C5: variants seen among roughly 807,000 people sequenced by gnomAD.
C5 encodes the protein C3 and PZP-like alpha-2-macroglobulin domain-containing protein 4.
C5 carries 140 observed loss-of-function variants against 218.8 expected under a neutral mutation model. The ratio of observed to expected loss-of-function variants is 0.64; its 90% CI spans 0.56 to 0.74. The LOEUF is 0.74. C5 is among the 30% of genes least tolerant of loss of function. The probability of loss-of-function intolerance (pLI) is 0.00; values close to 1 mark genes in which losing one functional copy is unlikely to be tolerated. For missense variants in C5, 1,700 were observed against 1,969.6 expected, an observed-to-expected ratio of 0.86 and a Z score of 2.59; for synonymous variants, 614 against 682.3, an observed-to-expected ratio of 0.90 and a Z score of 1.56.
rs1190237840 is a variant in C5, at chr9:120,953,718, T to C, written c.4901+12A>G. The C allele has an allele frequency of 1.2e-6, 2 of 1,613,696 alleles. No homozygotes were observed. Among genetic ancestry groups the C allele is most frequent in the East Asian group, 2.2e-5 (1 of 44,882 alleles). ...AGGGAAGATCAGTGACTGAAAAATATTGGTGACTTACCTGAAACTGAAATT... is the reference window on the plus strand; with the variant it reads ...AGGGAAGATCAGTGACTGAAAAATACTGGTGACTTACCTGAAACTGAAATT... On this transcript the variant is annotated intron_variant, in intron 40 of 40. Coordinates refer to ENST00000223642, the MANE Select transcript of C5 (RefSeq NM_001735.3).
chr9:120,997,838 T>C lies in C5; in HGVS notation c.2563-64A>G, dbSNP rs1355417536. On this transcript the variant is annotated intron_variant, in intron 20 of 40. Transcript: ENST00000223642. ...TTTTTTTTGAGACAGAGTCTTGCTA[T>C]GTCGCCCAGGCTGGAGTGCAGCGGC... is the stretch of plus-strand genomic sequence containing the variant. 4.3e-6 allele frequency: 6 copies of C among 1,405,410 alleles called. No individual in the cohort carries two copies. In the Middle Eastern group the frequency reaches 7.4e-4, roughly 173 times the overall value. The allele number at this position is 1,405,410 out of a possible 1,614,324, so 87.1% of individuals were successfully genotyped here. A position where few individuals can be genotyped will look rare whatever the true frequency, so the allele number is the denominator to read the frequency against.
At chr9:121,043,864 C>A (rs931067851) in intron 2 of C5, among the ~76,000 whole-genome samples, 7 of 151,874 alleles carry the variant, frequency 4.6e-5, no homozygotes, top group Non-Finnish European at 8.8e-5. Flanking sequence ...CATCTCTGGA[C>A]CCTTAGTATT....
chr9:121,018,761 G>A (rs1454317855), intron 12 of C5, among the ~76,000 whole-genome samples: 1 of 144,198 alleles, frequency 6.9e-6, no homozygotes, highest in African/African-American at 2.7e-5. Flanking sequence ...AAGGAAGGAA[G>A]GAAGGAAGGA....
chr9:121,005,116 T>C (rs1478813025), intron 20 of C5, among the ~76,000 whole-genome samples: 1 of 152,210 alleles, frequency 6.6e-6, no homozygotes, highest in Non-Finnish European at 1.5e-5. Flanking sequence ...GCTAGAATTT[T>C]GGAACACATT....
At chr9:121,032,027 C>A (rs1564160382) in intron 6 of C5, 86 bp downstream of exon 6, 1 of 757,910 alleles carries the variant, frequency 1.3e-6, no homozygotes, top group East Asian at 2.8e-5. Flanking sequence ...CGTGCCACTG[C>A]ACTCCAGCCT....
chr9:120,975,929 A>T (rs1300757871), intron 29 of C5, among the ~76,000 whole-genome samples: 1 of 152,242 alleles, frequency 6.6e-6, no homozygotes, highest in African/African-American at 2.4e-5. Context: ...AAAACTGAGA[A>T]ACATGACTAG....
In C5 at chr9:121,006,996, A is replaced by T; in HGVS notation, c.2349-19T>A. On this transcript the variant is annotated intron_variant, in intron 18 of 40. Coordinates refer to ENST00000223642, the MANE Select transcript of C5 (RefSeq NM_001735.3). ...CTGTTTTCTGGAAGTTAAAATGTTG[A>T]TATTCAAATACAGTGGAATATTGAT... The T allele has an allele frequency of 6.4e-7, 1 of 1,566,820 alleles. No individual in the cohort carries two copies. The highest frequency in any genetic ancestry group is 8.8e-7 in the Non-Finnish European group (1 of 1,136,810).
chr9:120,960,443 C>A lies in C5; in HGVS notation c.4589-106G>T. ...TGAGCCCAGAGACAACCCAATATAA[C>A]CTTACAAATGTCAGATTTCTAAGAC... is the stretch of plus-strand genomic sequence containing the variant. On this transcript the variant is annotated intron_variant, in intron 37 of 40. Coordinates refer to ENST00000223642, the MANE Select transcript of C5 (RefSeq NM_001735.3). 1.1e-5 allele frequency: 8 copies of A among 739,472 alleles called. No homozygotes were observed. In the South Asian group the frequency reaches 1.2e-4, roughly 11 times the overall value. 45.8% of individuals were successfully genotyped at this position (739,472 alleles called of 1,614,324 possible).
chr9:121,049,553 T>C (rs1159118506), intron 1 of C5, among the ~76,000 whole-genome samples: 1 of 152,226 alleles, frequency 6.6e-6, no homozygotes, highest in African/African-American at 2.4e-5. Context: ...TCTCTCTCTC[T>C]AGAACTGTGA....
At chr9:120,973,277 A>T (rs41312859) in intron 30 of C5, among the ~76,000 whole-genome samples, 4,712 of 152,180 alleles carry the variant, frequency 0.031, 250 homozygotes, top group African/African-American at 0.11. Flanking sequence ...TATAGAGAAG[A>T]ATAATTTCAG....
At chr9:121,021,449 A>G (rs2131773327) in intron 11 of C5, 60 bp downstream of exon 11, 3 of 1,408,072 alleles carry the variant, frequency 2.1e-6, no homozygotes, top group Non-Finnish European at 3.0e-6. Context: ...CACACTAGCC[A>G]AAACACATGG....
At chr9:121,035,077 A>G (rs1310090624) in intron 4 of C5, among the ~76,000 whole-genome samples, 183 bp from the exon 5 acceptor site, 1 of 152,182 alleles carries the variant, frequency 6.6e-6, no homozygotes, top group East Asian at 1.9e-4. Flanking sequence ...AATATGGTTC[A>G]TTTCAGCCAT....
chr9:121,034,922 G>C, intron 4 of C5, 28 bp from the exon 5 acceptor site: 1 of 1,136,132 alleles, frequency 8.8e-7, no homozygotes, highest in Non-Finnish European at 1.3e-6. Context: ...CACCCTCAAA[G>C]GCCAGAAACT....
At chr9:120,977,608 C>A (rs2093792389) in intron 28 of C5, among the ~76,000 whole-genome samples, 1 of 152,144 alleles carries the variant, frequency 6.6e-6, no homozygotes, top group African/African-American at 2.4e-5. Context: ...GGGTGTGCCA[C>A]CATGCCAGGT....
chr9:121,057,934 T>C, the C5 span, among the ~76,000 whole-genome samples: 461 of 152,334 alleles, frequency 3.0e-3, 2 homozygotes, highest in African/African-American at 0.011. Flanking sequence ...TGCTCCAAAA[T>C]ATCCTTCTCA....
intron 12 of C5, among the ~76,000 whole-genome samples, chr9:121,018,623 A>C (rs1426652852): frequency 2.8e-4 from 28 of 100,840 alleles, no homozygotes; most frequent in South Asian, 4.5e-4. Flanking sequence ...GGAAGGCAAG[A>C]AAGAAGGGAG....
intron 28 of C5, chr9:120,979,866 G>A (rs889509797): frequency 7.8e-6 from 4 of 514,128 alleles, no homozygotes; most frequent in South Asian, 4.0e-5. Flanking sequence ...GTGACAGAGC[G>A]AGAACCTGTC....
intron 2 of C5, among the ~76,000 whole-genome samples, chr9:121,044,948 C>A (rs897280034): frequency 1.6e-5 from 2 of 127,832 alleles, no homozygotes; most frequent in African/African-American, 2.9e-5. Flanking sequence ...GTAACACTTT[C>A]TTTTTTTTTT....
At chr9:121,010,081 C>A (rs558811119) in intron 17 of C5, among the ~76,000 whole-genome samples, 1 of 152,272 alleles carries the variant, frequency 6.6e-6, no homozygotes. Context: ...GCAGTCTAGG[C>A]CACAAGGACT....
Sources: gnomAD v4.1 joint callset for allele counts (sites outside exome capture counted in the v4.1 genomes callset) on GRCh38, gnomAD v4.1.1 for gene constraint, MANE v1.5 for transcripts, NCBI Gene and HGNC (gene_info 2026-07-23, HGNC 2026-07-21) for gene names.